MCM9: variants seen among roughly 807,000 people sequenced by gnomAD.
The protein encoded by MCM9 is DNA helicase MCM9.
A neutral mutation model predicts 72.8 loss-of-function variants in MCM9; 55 were observed. The ratio of observed to expected loss-of-function variants is 0.76; its 90% CI spans 0.61 to 0.95. The LOEUF is 0.95. MCM9 is among the 40% of genes least tolerant of loss of function. MCM9 has a pLI of 0.00. For synonymous variants in MCM9, 480 were observed against 503.4 expected (o/e 0.95, Z 0.62); for missense variants, 1,279 against 1,377.0 (o/e 0.93, Z 1.13).
chr6:118,854,449 T>C (rs1776426478), intron 9 of MCM9, among the ~76,000 whole-genome samples: 2 of 152,124 alleles, frequency 1.3e-5, no homozygotes, highest in Non-Finnish European at 2.9e-5. Context: ...TCCTCCCAGG[T>C]TCAAGCGATT....
At chr6:118,894,364 A>C (rs758842376) in intron 8 of MCM9, 8 of 1,534,752 alleles carry the variant, frequency 5.2e-6, no homozygotes, top group Non-Finnish European at 4.4e-6. Flanking sequence ...GCTGGACTTT[A>C]TTGTGCCGCA....
intron 2 of MCM9, among the ~76,000 whole-genome samples, chr6:118,932,007 T>A (rs1371509109): frequency 6.6e-6 from 1 of 152,230 alleles, no homozygotes; most frequent in East Asian, 1.9e-4. Context: ...TTCCCATCTT[T>A]TCCCCAAATT....
chr6:118,900,616 T>C lies in MCM9; in HGVS notation c.1150+11034A>G, dbSNP rs115485637. On this transcript the variant is annotated intron_variant, in intron 8 of 13. Coordinates refer to ENST00000619706, the MANE Select transcript of MCM9 (RefSeq NM_017696.3). ...AAAGTGTGAACTCTGGTAGGAACTT[T>C]ATAAGGAGCATTTCACTGCCTTTCT... The C allele has an allele frequency of 2.2e-3, 1,384 of 626,326 alleles. 9 individuals carry two copies. The highest frequency in any genetic ancestry group is 0.022 in the African/African-American group (1,208 of 54,884). The allele number at this position is 626,326 out of a possible 1,614,324, so 38.8% of individuals were successfully genotyped here. A position where few individuals can be genotyped will look rare whatever the true frequency, so the allele number is the denominator to read the frequency against.
At position 118,827,978 on chromosome 6, in the gene MCM9, C is replaced by T. The variant is rs756359035; in HGVS notation, c.1681G>A (p.Ala561Thr). 26 of 1,550,878 alleles carry T rather than the reference C, an allele frequency of 1.7e-5. No individual in the cohort carries two copies. Among genetic ancestry groups the T allele is most frequent in the African/African-American group, 8.2e-5 (6 of 73,030 alleles). Residue 561 changes from alanine to threonine, a missense_variant, in exon 11 of 14, where the codon GCT becomes ACT. By Grantham distance (58) the Ala-to-Thr change is moderately conservative. Transcript: ENST00000619706. The stretch of plus-strand genomic sequence containing the variant: ...AACAGCCGAATGGTGGTCCGGGCAG[C>T]GTTCCGGCAATCACTCTGCCTTTGC... ...QMQRQSDCRN[A>T]ARTTIRLLES...
Position 118,815,426 on chromosome 6 carries a change from C to A in MCM9, c.2830G>T (p.Gly944Cys). The change falls in exon 14 of 14, where the codon GGT (glycine) becomes TGT (cysteine). Residue 944 changes from glycine to cysteine, a missense_variant. Physicochemically the swap from Gly to Cys is radical, Grantham distance 159. Transcript: ENST00000619706. ...CTATGAACTGCTATTTTAGTTGCAC[C>A]AGGTGACACATGGCTGTGATCTTCA... Reference protein sequence around the residue: ...SFEDHSHVSPGATKIAVHSPK... With the variant: ...SFEDHSHVSPCATKIAVHSPK... The A allele has an allele frequency of 6.4e-7, 1 of 1,550,508 alleles. No homozygotes were observed. Among genetic ancestry groups the A allele is most frequent in the South Asian group, 1.2e-5 (1 of 84,044 alleles).
intron 8 of MCM9, chr6:118,909,047 G>A (rs1780356777): frequency 6.6e-6 from 1 of 152,114 alleles, no homozygotes; most frequent in Non-Finnish European, 1.5e-5. Context: ...CTAGTTCATA[G>A]ATTTTAAAAG....
At chr6:118,826,514 G>A (rs929518393) in intron 12 of MCM9, among the ~76,000 whole-genome samples, 1 of 152,136 alleles carries the variant, frequency 6.6e-6, no homozygotes, top group Non-Finnish European at 1.5e-5. Context: ...GGTGGGCTAT[G>A]AACATCTCTC....
chr6:118,927,295 A>G (rs1328815447), intron 3 of MCM9, among the ~76,000 whole-genome samples: 1 of 152,230 alleles, frequency 6.6e-6, no homozygotes, highest in Non-Finnish European at 1.5e-5. Flanking sequence ...ACTGCCTAGC[A>G]TAATTTAGAA....
intron 8 of MCM9, among the ~76,000 whole-genome samples, chr6:118,862,733 C>T (rs1452153429): frequency 6.6e-6 from 1 of 152,174 alleles, no homozygotes; most frequent in Admixed American, 6.5e-5. Context: ...CTGTGCAGCC[C>T]GGTTCCTAAC....
intron 8 of MCM9, among the ~76,000 whole-genome samples, chr6:118,869,831 A>C (rs1370569900): frequency 6.6e-6 from 1 of 151,958 alleles, no homozygotes; most frequent in Non-Finnish European, 1.5e-5. Flanking sequence ...AAATGGAAAC[A>C]AAAAAAGTCT....
intron 8 of MCM9, among the ~76,000 whole-genome samples, chr6:118,904,862 G>A (rs556454530): frequency 1.4e-4 from 22 of 152,142 alleles, no homozygotes; most frequent in Non-Finnish European, 2.9e-5. Context: ...TGTTTGAGAC[G>A]GAGTCTCACT....
Position 118,885,219 on chromosome 6 carries a change from A to G in MCM9, c.1150+26431T>C, listed in dbSNP as rs984717875. Among the ~76,000 whole-genome samples the G allele has an allele frequency of 3.3e-5, 5 of 152,170 alleles. 1 individual carries two copies. The highest frequency in any genetic ancestry group is 1.2e-4 in the African/African-American group (5 of 41,446). On this transcript the variant is annotated intron_variant, in intron 8 of 13. Transcript: ENST00000619706. ...GGAGACAGAGTGAGACTCCATCTCA[A>G]AAATGAATAAATAAATAAAAATAAA... is the stretch of plus-strand genomic sequence containing the variant.
At chr6:118,926,401 T>C (rs114658699) in intron 3 of MCM9, among the ~76,000 whole-genome samples, 1,588 of 152,338 alleles carry the variant, frequency 0.01, 30 homozygotes, top group African/African-American at 0.036. Flanking sequence ...ATGTTATTTA[T>C]TGAATACTAC....
chr6:118,849,238 A>G (rs1776075463), intron 9 of MCM9, among the ~76,000 whole-genome samples: 1 of 151,892 alleles, frequency 6.6e-6, no homozygotes. Flanking sequence ...CATTTAAGAC[A>G]AGGAAGTACA....
chr6:118,854,764 T>C (rs1776451596), intron 9 of MCM9, among the ~76,000 whole-genome samples: 2 of 152,258 alleles, frequency 1.3e-5, no homozygotes, highest in African/African-American at 2.4e-5. Context: ...TCTGCATCTA[T>C]TGGGATATGC....
chr6:118,902,528 C>CTTTT (rs33980013), intron 8 of MCM9, among the ~76,000 whole-genome samples: 2 of 131,510 alleles, frequency 1.5e-5, no homozygotes. Context: ...ACTGATAATA[C>CTTTT]TTTTTTTTTT....
At chr6:118,823,503 G>T (rs1773956623) in intron 13 of MCM9, among the ~76,000 whole-genome samples, 1 of 152,160 alleles carries the variant, frequency 6.6e-6, no homozygotes, top group Non-Finnish European at 1.5e-5. Context: ...TTCTGCATTG[G>T]TCTTGCTGGG....
At chr6:118,862,130 A>C (rs1776943910) in intron 8 of MCM9, among the ~76,000 whole-genome samples, 1 of 152,204 alleles carries the variant, frequency 6.6e-6, no homozygotes, top group Admixed American at 6.5e-5. Context: ...GGAGTGGGGA[A>C]AGGCCAGGGA....
At chr6:118,911,126 A>C (rs1583638748) in intron 8 of MCM9, 1 of 985,434 alleles carries the variant, frequency 1.0e-6, no homozygotes, top group Middle Eastern at 5.2e-4. Context: ...AAGGCTTTTA[A>C]GTGTACTTGC....
Sources: gnomAD v4.1 joint callset for allele counts (sites outside exome capture counted in the v4.1 genomes callset) on GRCh38, gnomAD v4.1.1 for gene constraint, MANE v1.5 for transcripts, NCBI Gene and HGNC (gene_info 2026-07-23, HGNC 2026-07-21) for gene names.